SOBP: variants seen among roughly 807,000 people sequenced by gnomAD.
SOBP encodes sine oculis-binding protein homolog.
In SOBP, 4 loss-of-function variants were observed where a neutral mutation model predicts 53.6. That is an observed-to-expected ratio of 0.07 (90% CI 0.04 to 0.17). The LOEUF is 0.17. Among genes scored for constraint, SOBP ranks in the 10% least tolerant of loss-of-function variants. The pLI is 1.00. For missense variants in SOBP, 1,088 were observed against 1,204.7 expected (o/e 0.90, Z 1.43); for synonymous variants, 584 against 522.6 (o/e 1.12, Z -1.60).
chr6:107,628,234 G>T (rs1770548039), intron 5 of SOBP, among the ~76,000 whole-genome samples: 1 of 152,186 alleles, frequency 6.6e-6, no homozygotes, highest in South Asian at 2.1e-4. Context: ...ACTGGCCTTG[G>T]AAAAATAAGA....
At chr6:107,559,299 G>A (rs908837837) in intron 4 of SOBP, among the ~76,000 whole-genome samples, 1 of 152,096 alleles carries the variant, frequency 6.6e-6, no homozygotes, top group Admixed American at 6.6e-5. Context: ...CTACACCGAC[G>A]TAAAGGGTGC....
intron 1 of SOBP, among the ~76,000 whole-genome samples, chr6:107,491,058 T>C (rs181580175): frequency 3.9e-5 from 6 of 152,194 alleles, no homozygotes; most frequent in Admixed American, 3.9e-4. Flanking sequence ...TCCCCCCTTT[T>C]TGAGAATCAT....
intron 4 of SOBP, among the ~76,000 whole-genome samples, chr6:107,553,142 G>A (rs1784509165): frequency 6.6e-6 from 1 of 151,796 alleles, no homozygotes; most frequent in African/African-American, 2.4e-5. Context: ...TATCTGAGCT[G>A]GGAGTTTAAC....
chr6:107,641,131 A>T (rs1378701999), intron 6 of SOBP, among the ~76,000 whole-genome samples: 1 of 152,216 alleles, frequency 6.6e-6, no homozygotes, highest in African/African-American at 2.4e-5. Flanking sequence ...TCTGAGTTGA[A>T]ATTTTTCTTG....
Position 107,640,129 on chromosome 6 carries a change from T to C in SOBP, c.*3+4660T>C, listed in dbSNP as rs150980167. On this transcript the variant is annotated intron_variant, in intron 6 of 6. Coordinates refer to ENST00000317357, the MANE Select transcript of SOBP (RefSeq NM_018013.4). ...GTTCCAAGGCAAGGAGTTCACTTCA[T>C]TGGGGAAGCCAAAAGGGTGGAGGTC... is the stretch of plus-strand genomic sequence containing the variant. 4.0e-3 allele frequency among the ~76,000 whole-genome samples: 610 copies of C among 152,288 alleles called. 1 individual carries two copies. The highest frequency in any genetic ancestry group is 0.014 in the African/African-American group (582 of 41,558).
chr6:107,496,243 A>G (rs1782696391), intron 1 of SOBP, among the ~76,000 whole-genome samples: 1 of 152,200 alleles, frequency 6.6e-6, no homozygotes, highest in Non-Finnish European at 1.5e-5. Context: ...CAGCTGTGAA[A>G]AGACACAGCT....
chr6:107,606,022 A>G (rs970447675), intron 5 of SOBP, among the ~76,000 whole-genome samples: 6 of 151,120 alleles, frequency 4.0e-5, no homozygotes, highest in African/African-American at 4.9e-5. Flanking sequence ...ACACCCCCAA[A>G]CTCTTTCATA....
At chr6:107,657,640 C>T (rs1233732797) in intron 6 of SOBP, among the ~76,000 whole-genome samples, 2 of 152,144 alleles carry the variant, frequency 1.3e-5, no homozygotes, top group Non-Finnish European at 2.9e-5. Flanking sequence ...CAGGGTCCTC[C>T]GTGACCTTGC....
intron 4 of SOBP, among the ~76,000 whole-genome samples, chr6:107,585,309 A>G (rs1177055188): frequency 6.6e-6 from 1 of 152,218 alleles, no homozygotes; most frequent in African/African-American, 2.4e-5. Flanking sequence ...TTTTGTTATG[A>G]AGAATCTAAT....
intron 5 of SOBP, among the ~76,000 whole-genome samples, chr6:107,592,349 G>T (rs1276961514): frequency 6.6e-6 from 1 of 152,132 alleles, no homozygotes; most frequent in Non-Finnish European, 1.5e-5. Context: ...ATTCTGGATG[G>T]CTGCCATATA....
In SOBP at chr6:107,659,174, A is replaced by G. The variant is rs1487975252; in HGVS notation, c.*971A>G. 1 of 152,638 alleles carries G rather than the reference A, an allele frequency of 6.6e-6. No homozygotes were observed. The highest frequency in any genetic ancestry group is 1.5e-5 in the Non-Finnish European group (1 of 68,044). The allele number at this position is 152,638 out of a possible 1,614,324, so 9.5% of individuals were successfully genotyped here. A position where few individuals can be genotyped will look rare whatever the true frequency, so the allele number is the denominator to read the frequency against. On this transcript the variant is annotated 3_prime_UTR_variant, in exon 7 of 7. Coordinates refer to ENST00000317357, the MANE Select transcript of SOBP (RefSeq NM_018013.4). ...GGTGATCCAGGAAGTCAGTGAGACA[A>G]TCTCTCTATATGCAGAGCCCTTTCA... is the stretch of plus-strand genomic sequence containing the variant.
chr6:107,599,795 C>T (rs535319751), intron 5 of SOBP, among the ~76,000 whole-genome samples: 1 of 152,230 alleles, frequency 6.6e-6, no homozygotes, highest in East Asian at 1.9e-4. Flanking sequence ...CAATTAGGCA[C>T]TTATTATTGA....
intron 4 of SOBP, among the ~76,000 whole-genome samples, chr6:107,581,043 C>T (rs555463151): frequency 6.6e-6 from 1 of 152,214 alleles, no homozygotes; most frequent in Non-Finnish European, 1.5e-5. Flanking sequence ...ATTTATGGAA[C>T]CCTTATAATA....
chr6:107,612,404 T>C (rs1291658904), intron 5 of SOBP, among the ~76,000 whole-genome samples: 1 of 152,174 alleles, frequency 6.6e-6, no homozygotes, highest in Non-Finnish European at 1.5e-5. Flanking sequence ...CAAAGCAAGA[T>C]GAGAAGAGAG....
intron 5 of SOBP, among the ~76,000 whole-genome samples, chr6:107,606,227 C>G (rs1786374227): frequency 6.6e-6 from 1 of 152,076 alleles, no homozygotes. Context: ...CAGGCACACA[C>G]CATCACGCCC....
At chr6:107,560,180 TA>T (rs1303303254) in intron 4 of SOBP, among the ~76,000 whole-genome samples, 2 of 152,150 alleles carry the variant, frequency 1.3e-5, no homozygotes, top group East Asian at 3.9e-4. Flanking sequence ...AATCTGTTTT[TA>T]AAAAACAGGA....
chr6:107,584,759 C>T (rs1459910331), intron 4 of SOBP, among the ~76,000 whole-genome samples: 2 of 151,640 alleles, frequency 1.3e-5, no homozygotes, highest in African/African-American at 4.9e-5. Flanking sequence ...TCTGTAGCCC[C>T]TTTGAGGAAG....
At chr6:107,506,979 T>A (rs549187911) in intron 3 of SOBP, among the ~76,000 whole-genome samples, 18 of 151,226 alleles carry the variant, frequency 1.2e-4, no homozygotes, top group African/African-American at 4.1e-4. Flanking sequence ...GGCAGAAGGA[T>A]CACTTGAACC....
At chr6:107,576,931 G>T (rs185710772) in intron 4 of SOBP, among the ~76,000 whole-genome samples, 1 of 152,342 alleles carries the variant, frequency 6.6e-6, no homozygotes, top group East Asian at 1.9e-4. Flanking sequence ...TCTTTGATAA[G>T]TATTGCTGTT....
Sources: allele counts gnomAD v4.1 joint callset (sites outside exome capture counted in the v4.1 genomes callset), GRCh38; gene constraint gnomAD v4.1.1; transcripts MANE v1.5; gene names NCBI Gene and HGNC (gene_info 2026-07-23, HGNC 2026-07-21).